The following FOLH1 variants were observed in gnomAD, a reference collection of about 807,000 sequenced individuals.
The protein encoded by FOLH1 is glutamate carboxypeptidase 2.
Under a neutral mutation model 93.9 loss-of-function variants are expected in FOLH1, and 54 were observed. The observed-to-expected ratio is 0.57, with a 90% CI of 0.46 to 0.72. The LOEUF (loss-of-function observed/expected upper bound fraction) is 0.72, where lower values mean the gene tolerates loss of function less well. Ranked by LOEUF, FOLH1 falls within the 30% of genes least tolerant of loss-of-function variation. FOLH1 has a pLI of 0.00. For synonymous variants in FOLH1, 249 were observed against 303.6 expected (o/e 0.82, Z 1.87); for missense variants, 571 against 892.5 (o/e 0.64, Z 4.59).
intron 12 of FOLH1, among the ~76,000 whole-genome samples, chr11:49,168,042 T>A (rs1858647121): frequency 8.9e-6 from 1 of 111,958 alleles, no homozygotes; most frequent in Non-Finnish European, 1.7e-5. Context: ...ATTCATTTAG[T>A]CCTTTTTTTT....
At chr11:49,177,785 TAA>T (rs747990555) in intron 7 of FOLH1, among the ~76,000 whole-genome samples, 11 of 104,076 alleles carry the variant, frequency 1.1e-4, no homozygotes, top group Admixed American at 2.1e-4. Context: ...CCGTCTCTAC[TAA>T]AAAAAAAAAA....
chr11:49,188,170 A>T (rs202707), intron 4 of FOLH1, among the ~76,000 whole-genome samples: 49,192 of 151,856 alleles, frequency 0.32, 9,328 homozygotes, highest in African/African-American at 0.53. Context: ...CAAATTTTTT[A>T]AAAAATTTAT....
chr11:49,194,305 C>G (rs1055396050), intron 3 of FOLH1, among the ~76,000 whole-genome samples: 7 of 151,472 alleles, frequency 4.6e-5, no homozygotes, highest in African/African-American at 1.7e-4. Flanking sequence ...ATGCCTCAAG[C>G]GAAAATATTT....
Position 49,200,387 on chromosome 11 carries a change from T to C in FOLH1, c.279A>G (p.Ala93=). Residue 93 remains alanine (A), a synonymous_variant, in exon 3 of 19, where the codon GCA becomes GCG. Transcript: ENST00000256999. The part of the protein sequence containing the change: ...LAGTEQNFQL[A]KQIQSQWKEF... ...CTTTCCACTGGGATTGAATTTGCTT[T>C]GCAAGCTGAAAGTTTTGTTCTGTTC... 1 of 1,613,604 alleles carries C rather than the reference T, an allele frequency of 6.2e-7. No homozygotes were observed. The highest frequency in any genetic ancestry group is 8.5e-7 in the Non-Finnish European group (1 of 1,179,726).
chr11:49,168,600 A>G lies in FOLH1; in HGVS notation c.1372+595T>C, dbSNP rs146099075. On this transcript the variant is annotated intron_variant, in intron 12 of 18. Transcript: ENST00000256999. ...CATTATAATTCAAGATTGATTTAGTATATTATCTATACTGAGTGCGCCACC... is the reference window on the plus strand; with the variant it reads ...CATTATAATTCAAGATTGATTTAGTGTATTATCTATACTGAGTGCGCCACC... Among the ~76,000 whole-genome samples, 788 of 152,176 alleles carry G rather than the reference A, an allele frequency of 5.2e-3. 8 individuals carry two copies. The highest frequency in any genetic ancestry group is 0.018 in the African/African-American group (750 of 41,508).
rs757030412 is a variant in FOLH1 at position 49,154,524 on chromosome 11, T to A, written c.1624-32A>T. 3.8e-6 allele frequency: 6 copies of A among 1,560,130 alleles called. No homozygotes were observed. In the African/African-American group the frequency reaches 5.4e-5, roughly 14 times the overall value. ...AAAAAACAACAAAACATATCTCTTA[T>A]AGGATAGCTTACAAAAAATGATTAG... On this transcript the variant is annotated intron_variant, in intron 15 of 18. Coordinates refer to ENST00000256999, the MANE Select transcript of FOLH1 (RefSeq NM_004476.3).
chr11:49,202,886 C>G (rs1328669168), intron 2 of FOLH1, among the ~76,000 whole-genome samples: 2 of 152,034 alleles, frequency 1.3e-5, no homozygotes, highest in African/African-American at 4.8e-5. Context: ...CAGAGTGAAA[C>G]CTTGTCTGAA....
chr11:49,182,861 A>G (rs1226981414), intron 7 of FOLH1, among the ~76,000 whole-genome samples: 1 of 152,122 alleles, frequency 6.6e-6, no homozygotes, highest in Non-Finnish European at 1.5e-5. Context: ...TGGTCTTGAC[A>G]AAAATATAGT....
chr11:49,181,401 C>T (rs750213115), intron 7 of FOLH1, among the ~76,000 whole-genome samples: 4 of 151,958 alleles, frequency 2.6e-5, no homozygotes, highest in Admixed American at 6.6e-5. Flanking sequence ...TGAGCCACCG[C>T]GCCCAGCCCC....
chr11:49,188,510 C>CT (rs1861665458), intron 4 of FOLH1, among the ~76,000 whole-genome samples: 1 of 52,978 alleles, frequency 1.9e-5, no homozygotes, highest in Admixed American at 2.7e-4. Context: ...AAGACTTGGT[C>CT]TCAAAAAAAA....
intron 8 of FOLH1, 130 bp downstream of exon 8, chr11:49,175,729 C>T (rs1859920837): frequency 6.9e-6 from 5 of 721,220 alleles, no homozygotes; most frequent in Non-Finnish European, 1.1e-5. Flanking sequence ...GCAAAAATTA[C>T]ACTGGTTCTA....
Position 49,186,765 on chromosome 11 carries a change from T to A in FOLH1, c.518A>T (p.Asp173Val). 6.2e-7 allele frequency: 1 copy of A among 1,608,650 alleles called. No homozygotes were observed. The highest frequency in any genetic ancestry group is 1.1e-5 in the South Asian group (1 of 89,296). ...AFSPQGMPEGDLVYVNYARTE... is the reference protein window; with the variant it reads ...AFSPQGMPEGVLVYVNYARTE... ...TCGTGCATAGTTAACATACACTAGA[T>A]CGCCCTGTTGAGATCGGGAATGACT... Residue 173 changes from aspartate (D) to valine (V), a missense_variant, in exon 5 of 19, where the codon GAT (aspartate) becomes GTT (valine). Coordinates refer to ENST00000256999, the MANE Select transcript of FOLH1 (RefSeq NM_004476.3).
chr11:49,145,148 T>A lies in FOLH1; in HGVS notation c.*1608A>T, dbSNP rs751711733. On this transcript the variant is annotated 3_prime_UTR_variant, in exon 19 of 19. Transcript: ENST00000256999. ...TCACCAGTTATCCAAATTTGGGTTA[T>A]CCACTCCAAACTCCCACTTGATTGT... Among the ~76,000 whole-genome samples the A allele has an allele frequency of 1.1e-4, 16 of 152,210 alleles. No individual in the cohort carries two copies. Among genetic ancestry groups the A allele is most frequent in the Non-Finnish European group, 2.1e-4 (14 of 68,028 alleles).
intron 3 of FOLH1, among the ~76,000 whole-genome samples, chr11:49,198,068 T>C (rs150795603): frequency 3.4e-4 from 52 of 152,274 alleles, no homozygotes; most frequent in African/African-American, 9.1e-4. Flanking sequence ...ATTCATTTTG[T>C]ATTATGTAAC....
At position 49,154,714 on chromosome 11, in the gene FOLH1, T is replaced by C. The variant is rs183497603; in HGVS notation, c.1624-222A>G. Reference sequence around the variant, plus strand: ...GTGTATATGATATAACAAATATTATTTAAAAATTATTTGAAAGGGACCAAA... The same window carrying C: ...GTGTATATGATATAACAAATATTATCTAAAAATTATTTGAAAGGGACCAAA... On this transcript the variant is annotated intron_variant, in intron 15 of 18. Coordinates refer to ENST00000256999, the MANE Select transcript of FOLH1 (RefSeq NM_004476.3). Among the ~76,000 whole-genome samples the C allele has an allele frequency of 0.011, 1,601 of 152,140 alleles. 25 individuals are homozygous for C. Among genetic ancestry groups the C allele is most frequent in the African/African-American group, 0.036 (1,507 of 41,528 alleles).
chr11:49,154,299 T>A lies in FOLH1; in HGVS notation c.1817A>T (p.Lys606Met). 2 of 1,613,500 alleles carry A rather than the reference T, an allele frequency of 1.2e-6. No individual in the cohort carries two copies. The highest frequency in any genetic ancestry group is 1.7e-6 in the Non-Finnish European group (2 of 1,179,612). The change falls in exon 16 of 19, where the codon AAG becomes ATG. Residue 606 changes from lysine to methionine, a missense_variant. Around this residue, in one of 2 missense-constraint regions of FOLH1, gnomAD observed 500 missense variants for 822.9 expected, o/e 0.61. Coordinates refer to ENST00000256999, the MANE Select transcript of FOLH1 (RefSeq NM_004476.3). ...DCRDYAVVLRKYADKIYSISM... is the reference protein window; with the variant it reads ...DCRDYAVVLRMYADKIYSISM... ...AATACTGTAGATTTTGTCAGCATAC[T>A]TTCTTAAAACTACAGCATAATCTCG... is the stretch of plus-strand genomic sequence containing the variant.
intron 13 of FOLH1, among the ~76,000 whole-genome samples, chr11:49,160,286 C>T (rs1303913627): frequency 2.0e-5 from 3 of 151,876 alleles, no homozygotes; most frequent in African/African-American, 7.3e-5. Context: ...CTCCTGGATT[C>T]GTTAATATTT....
chr11:49,186,446 A>G (rs1276967792), intron 5 of FOLH1, among the ~76,000 whole-genome samples, 198 bp downstream of exon 5: 1 of 152,216 alleles, frequency 6.6e-6, no homozygotes, highest in East Asian at 1.9e-4. Context: ...AAACATCTAC[A>G]CTGGCCAAAT....
intron 11 of FOLH1, among the ~76,000 whole-genome samples, chr11:49,170,132 G>A (rs1289460458): frequency 1.3e-5 from 2 of 151,868 alleles, no homozygotes; most frequent in Non-Finnish European, 2.9e-5. Flanking sequence ...GGAAATTAAT[G>A]GAATAAACAT....
Sources: gnomAD v4.1 joint callset for allele counts (sites outside exome capture counted in the v4.1 genomes callset) on GRCh38, gnomAD v4.1.1 for gene constraint, gnomAD v4.1.1 regional missense constraint, MANE v1.5 for transcripts, NCBI Gene and HGNC (gene_info 2026-07-23, HGNC 2026-07-21) for gene names.